GALNTL6: variants seen among roughly 807,000 people sequenced by gnomAD.
GALNTL6 encodes polypeptide N-acetylgalactosaminyltransferase-like 6.
In GALNTL6, 46 loss-of-function variants were observed where a neutral mutation model predicts 73.7. The observed-to-expected ratio is 0.62, with a 90% confidence interval of 0.49 to 0.80. The LOEUF (loss-of-function observed/expected upper bound fraction) is 0.80, where lower values mean the gene tolerates loss of function less well. Among genes scored for constraint, GALNTL6 ranks in the 30% least tolerant of loss-of-function variants. The pLI is 0.00. For missense variants in GALNTL6, 604 were observed against 755.0 expected (o/e 0.80, Z 2.34); for synonymous variants, 259 against 263.7 (o/e 0.98, Z 0.17).
At chr4:172,113,537 A>G (rs983572726) in intron 2 of GALNTL6, among the ~76,000 whole-genome samples, 4 of 152,046 alleles carry the variant, frequency 2.6e-5, no homozygotes, top group Non-Finnish European at 4.4e-5. Flanking sequence ...AGCAATGTCT[A>G]TTATTTTTAT....
chr4:172,658,144 C>T (rs1447086825), intron 5 of GALNTL6, among the ~76,000 whole-genome samples: 9 of 360 alleles, frequency 0.025, no homozygotes, highest in African/African-American at 0.039. Context: ...AGCGAGACTC[C>T]GTCTCAAAAA....
chr4:172,962,784 C>G (rs974310529), intron 10 of GALNTL6, among the ~76,000 whole-genome samples: 3 of 151,870 alleles, frequency 2.0e-5, no homozygotes, highest in Non-Finnish European at 2.9e-5. Context: ...GGCTCTGGTA[C>G]TTGGAACTCA....
At chr4:172,882,307 T>C (rs952428761) in intron 7 of GALNTL6, among the ~76,000 whole-genome samples, 8 of 152,200 alleles carry the variant, frequency 5.3e-5, no homozygotes, top group African/African-American at 1.9e-4. Context: ...AGTTTGTAAA[T>C]TGGACATGAC....
intron 12 of GALNTL6, among the ~76,000 whole-genome samples, chr4:173,021,985 C>T (rs1013820265): frequency 8.6e-5 from 12 of 140,030 alleles, no homozygotes; most frequent in African/African-American, 3.2e-4. Flanking sequence ...CAGGGCAAGA[C>T]TCTGTTAAGA....
intron 2 of GALNTL6, among the ~76,000 whole-genome samples, chr4:171,985,977 G>A (rs966983880): frequency 9.7e-5 from 13 of 134,042 alleles, no homozygotes; most frequent in African/African-American, 3.6e-4. Context: ...GGCGGAGGTT[G>A]CAGTGAGCCG....
In GALNTL6 at chr4:171,814,632, G is replaced by A. The variant is rs1449107139; in HGVS notation, c.52G>A (p.Ala18Thr). 1.9e-6 allele frequency: 3 copies of A among 1,614,032 alleles called. No individual in the cohort carries two copies. The highest frequency in any genetic ancestry group is 2.2e-5 in the East Asian group (1 of 44,886). The stretch of plus-strand genomic sequence containing the variant: ...GCAGATGACTTTGTTGTTCACGGTG[G>A]CTTTAATTTTCCTGCCTAACGTTGG... Reference protein sequence around the residue: ...FLQMTLLFTVALIFLPNVGLW... With the variant: ...FLQMTLLFTVTLIFLPNVGLW... The change falls in exon 2 of 13, where the codon GCT becomes ACT. Residue 18 changes from alanine (A) to threonine (T), a missense_variant. Physicochemically the swap from Ala to Thr is moderately conservative, Grantham distance 58. Transcript: ENST00000506823.
intron 7 of GALNTL6, among the ~76,000 whole-genome samples, chr4:172,823,453 C>T (rs957339326): frequency 2.6e-5 from 4 of 152,116 alleles, no homozygotes; most frequent in Non-Finnish European, 5.9e-5. Flanking sequence ...AGTCTCTGTG[C>T]ATAAAAGACA....
chr4:173,027,524 A>T (rs6832624), intron 12 of GALNTL6, among the ~76,000 whole-genome samples: 1 of 152,206 alleles, frequency 6.6e-6, no homozygotes, highest in Non-Finnish European at 1.5e-5. Flanking sequence ...TCTTAGCCAT[A>T]CAGAAAGTAA....
At chr4:172,368,284 G>A (rs1302824188) in intron 5 of GALNTL6, among the ~76,000 whole-genome samples, 3 of 152,128 alleles carry the variant, frequency 2.0e-5, no homozygotes, top group Middle Eastern at 3.2e-3. Context: ...GGGAGGCTGA[G>A]GCAAGAAAAT....
At chr4:172,290,156 T>G (rs1432214849) in intron 3 of GALNTL6, among the ~76,000 whole-genome samples, 1 of 152,142 alleles carries the variant, frequency 6.6e-6, no homozygotes, top group Non-Finnish European at 1.5e-5. Flanking sequence ...ATTAGTCTGC[T>G]TTAACTGAAG....
chr4:171,948,504 AATGTGTGTGTGCTTGC>A (rs1738771112), intron 2 of GALNTL6, among the ~76,000 whole-genome samples: 1 of 152,138 alleles, frequency 6.6e-6, no homozygotes, highest in Non-Finnish European at 1.5e-5. Flanking sequence ...GAAGTTTTGA[AATGTGTGTGTGCTTGC>A]ATGTGTGTGT....
At chr4:172,320,649 CA>C (rs1280874068) in intron 4 of GALNTL6, among the ~76,000 whole-genome samples, 2 of 151,682 alleles carry the variant, frequency 1.3e-5, no homozygotes, top group Non-Finnish European at 2.9e-5. Flanking sequence ...AGAGAGACTT[CA>C]AAAACTAACC....
At chr4:172,712,761 G>C (rs894755310) in intron 5 of GALNTL6, among the ~76,000 whole-genome samples, 1 of 152,152 alleles carries the variant, frequency 6.6e-6, no homozygotes, top group East Asian at 1.9e-4. Context: ...CTGGAACACT[G>C]TATGCCTTGC....
At chr4:172,594,119 G>T (rs1203988662) in intron 5 of GALNTL6, among the ~76,000 whole-genome samples, 1 of 152,100 alleles carries the variant, frequency 6.6e-6, no homozygotes, top group Non-Finnish European at 1.5e-5. Flanking sequence ...GGCCGAGGCG[G>T]GTGGATCACG....
At chr4:171,974,793 G>T (rs2111070168) in intron 2 of GALNTL6, among the ~76,000 whole-genome samples, 1 of 152,162 alleles carries the variant, frequency 6.6e-6, no homozygotes, top group Admixed American at 6.5e-5. Context: ...CCTAATGAAA[G>T]AATAAAAATT....
chr4:172,528,317 AAAATATAT>A (rs1338473032), intron 5 of GALNTL6, among the ~76,000 whole-genome samples: 3 of 118,542 alleles, frequency 2.5e-5, no homozygotes, highest in South Asian at 2.5e-4. Context: ...TGCTAGAAAT[AAAATATAT>A]ATATATATAT....
At chr4:172,537,261 G>A (rs890644365) in intron 5 of GALNTL6, among the ~76,000 whole-genome samples, 5 of 152,206 alleles carry the variant, frequency 3.3e-5, no homozygotes, top group Non-Finnish European at 7.3e-5. Context: ...CAGTTTGGCT[G>A]TGTCCCTACC....
chr4:172,942,205 CA>C (rs1470861451), intron 9 of GALNTL6, among the ~76,000 whole-genome samples: 2 of 152,126 alleles, frequency 1.3e-5, no homozygotes, highest in African/African-American at 2.4e-5. Flanking sequence ...ACAACTTGGA[CA>C]GATATAATTT....
At chr4:172,219,526 CG>C in intron 2 of GALNTL6, among the ~76,000 whole-genome samples, 1 of 151,382 alleles carries the variant, frequency 6.6e-6, no homozygotes, top group African/African-American at 2.4e-5. Flanking sequence ...GTTGTTTTCC[CG>C]TAAGTAAATT....
Sources: allele counts gnomAD v4.1 joint callset (sites outside exome capture counted in the v4.1 genomes callset), GRCh38; gene constraint gnomAD v4.1.1; transcripts MANE v1.5; gene names NCBI Gene and HGNC (gene_info 2026-07-23, HGNC 2026-07-21).